ADD3: variants seen among roughly 807,000 people sequenced by gnomAD.
ADD3 encodes gamma-adducin.
ADD3 carries 25 observed loss-of-function variants against 80.2 expected under a neutral mutation model. The ratio of observed to expected loss-of-function variants is 0.31; its 90% CI spans 0.23 to 0.44. The LOEUF (loss-of-function observed/expected upper bound fraction) is 0.44, where lower values mean the gene tolerates loss of function less well. ADD3 is among the 20% of genes least tolerant of loss of function. The pLI is 1.00. For missense variants in ADD3, 829 were observed against 847.5 expected (o/e 0.98, Z 0.27); for synonymous variants, 284 against 289.6 (o/e 0.98, Z 0.20).
At chr10:110,111,564 C>A (rs1289216951) in intron 2 of ADD3, among the ~76,000 whole-genome samples, 1 of 152,086 alleles carries the variant, frequency 6.6e-6, no homozygotes, top group South Asian at 2.1e-4. Flanking sequence ...CCCACCCCAC[C>A]CCCAAAAAGA....
At chr10:110,005,282 G>C (rs899280663), upstream of ADD3, among the ~76,000 whole-genome samples, 1 of 151,828 alleles carries the variant, frequency 6.6e-6, no homozygotes, top group Non-Finnish European at 1.5e-5. Flanking sequence ...GGCTGGTCTT[G>C]AACTCCTGAC....
intron 1 of ADD3, among the ~76,000 whole-genome samples, chr10:110,051,901 C>T (rs746859655): frequency 1.3e-5 from 2 of 152,336 alleles, no homozygotes; most frequent in East Asian, 1.9e-4. Flanking sequence ...CTCCTGGGTT[C>T]AAGCGATCCT....
At chr10:110,015,424 G>A (rs2133017643) in intron 1 of ADD3, among the ~76,000 whole-genome samples, 1 of 148,454 alleles carries the variant, frequency 6.7e-6, no homozygotes, top group South Asian at 2.1e-4. Context: ...CGCCCAGGCT[G>A]GAGTGCAGTG....
intron 2 of ADD3, among the ~76,000 whole-genome samples, chr10:110,104,745 T>C (rs960099726): frequency 4.6e-5 from 7 of 152,218 alleles, no homozygotes; most frequent in Non-Finnish European, 1.0e-4. Flanking sequence ...AAGCACCTAT[T>C]ATGCATCTTT....
chr10:110,088,400 C>T (rs1847077414), intron 1 of ADD3, among the ~76,000 whole-genome samples: 2 of 152,170 alleles, frequency 1.3e-5, no homozygotes, highest in African/African-American at 4.8e-5. Flanking sequence ...CAACCAATTG[C>T]TAAAGTGGCA....
chr10:110,056,846 G>A (rs560364325), intron 1 of ADD3, among the ~76,000 whole-genome samples: 1 of 152,136 alleles, frequency 6.6e-6, no homozygotes, highest in Non-Finnish European at 1.5e-5. Context: ...CCATGCACCT[G>A]GAGCAAAGGA....
At chr10:110,108,612 T>C (rs751224272) in intron 2 of ADD3, among the ~76,000 whole-genome samples, 2 of 152,130 alleles carry the variant, frequency 1.3e-5, no homozygotes, top group Non-Finnish European at 2.9e-5. Context: ...GCTCAATAAA[T>C]TTACTGATAA....
chr10:110,121,848 G>A (rs1851538027), intron 8 of ADD3: 1 of 292,522 alleles, frequency 3.4e-6, no homozygotes, highest in African/African-American at 2.2e-5. Context: ...AGAATTCCGT[G>A]GCTTAAAATA....
intron 1 of ADD3, chr10:110,075,597 C>T (rs1590002166): frequency 6.6e-6 from 1 of 152,180 alleles, no homozygotes; most frequent in Non-Finnish European, 1.5e-5. Flanking sequence ...TGTTTTTCTT[C>T]TCTTGTCATT....
Position 110,009,985 on chromosome 10 carries a change from G to T in ADD3, c.-30+1686G>T, listed in dbSNP as rs890447154. Reference sequence around the variant, plus strand: ...TGCATGATAGAAGGATAGTATTTTCGTAATGTAAGTTTCAAGCATTGACTG... The same window carrying T: ...TGCATGATAGAAGGATAGTATTTTCTTAATGTAAGTTTCAAGCATTGACTG... On this transcript the variant is annotated intron_variant, in intron 1 of 14. Coordinates refer to ENST00000356080, the MANE Select transcript of ADD3 (RefSeq NM_016824.5). Among the ~76,000 whole-genome samples the T allele has an allele frequency of 3.3e-5, 5 of 152,188 alleles. 1 individual carries two copies. The highest frequency in any genetic ancestry group is 3.3e-4 in the Admixed American group (5 of 15,276).
intron 1 of ADD3, among the ~76,000 whole-genome samples, chr10:110,097,057 A>C (rs1034793649): frequency 1.3e-5 from 2 of 152,190 alleles, no homozygotes; most frequent in Non-Finnish European, 1.5e-5. Flanking sequence ...TTAATTTGAT[A>C]ATGAACAGCT....
intron 1 of ADD3, among the ~76,000 whole-genome samples, chr10:110,024,034 G>T (rs1853994892): frequency 6.6e-6 from 1 of 152,272 alleles, no homozygotes; most frequent in South Asian, 2.1e-4. Context: ...AGAGGGAGGG[G>T]ATAAGGGCTG....
chr10:110,065,970 A>T (rs552948615), intron 1 of ADD3, among the ~76,000 whole-genome samples: 57 of 152,068 alleles, frequency 3.7e-4, no homozygotes, highest in African/African-American at 1.3e-3. Context: ...AGTTTTTTCA[A>T]TTATTCGATA....
upstream of ADD3, among the ~76,000 whole-genome samples, chr10:110,007,761 G>A (rs999759593): frequency 1.3e-5 from 2 of 151,922 alleles, no homozygotes; most frequent in Non-Finnish European, 2.9e-5. Context: ...ACTCCCGAGG[G>A]GCGCTCGGGG....
chr10:110,030,553 T>C (rs1374264255), intron 1 of ADD3, among the ~76,000 whole-genome samples: 2 of 151,330 alleles, frequency 1.3e-5, no homozygotes, highest in African/African-American at 4.8e-5. Flanking sequence ...GGCTAACCTG[T>C]GAAATGGGTA....
intron 1 of ADD3, among the ~76,000 whole-genome samples, chr10:110,065,968 C>T (rs1286086594): frequency 2.0e-5 from 3 of 152,026 alleles, no homozygotes; most frequent in Non-Finnish European, 2.9e-5. Flanking sequence ...TAAGTTTTTT[C>T]AATTATTCGA....
In ADD3 at chr10:110,119,303, A is replaced by C; in HGVS notation, c.810A>C (p.Glu270Asp). Reference sequence around the variant, plus strand: ...ATTATGACTACCAAGGGTCACTTGAAGAACAGGAGGAGAGAATTCAACTGC... The same window carrying C: ...ATTATGACTACCAAGGGTCACTTGACGAACAGGAGGAGAGAATTCAACTGC... ...VAYYDYQGSLEEQEERIQLQK... is the reference protein window; with the variant it reads ...VAYYDYQGSLDEQEERIQLQK... Residue 270 changes from glutamate to aspartate, a missense_variant, in exon 7 of 15, where the codon GAA becomes GAC. Transcript: ENST00000356080. 2 of 1,614,150 alleles carry C rather than the reference A, an allele frequency of 1.2e-6. No homozygotes were observed. The highest frequency in any genetic ancestry group is 1.7e-6 in the Non-Finnish European group (2 of 1,180,012).
intron 1 of ADD3, among the ~76,000 whole-genome samples, chr10:110,033,725 T>C (rs1277279830): frequency 6.6e-6 from 1 of 152,234 alleles, no homozygotes; most frequent in Non-Finnish European, 1.5e-5. Context: ...GCAAATACTT[T>C]GTGCATTCTT....
intron 1 of ADD3, among the ~76,000 whole-genome samples, chr10:110,021,088 G>A (rs961052118): frequency 1.3e-5 from 2 of 152,152 alleles, no homozygotes; most frequent in African/African-American, 2.4e-5. Context: ...ACTAGAATAA[G>A]CTTTGCTCTA....
Sources: gnomAD v4.1 joint callset for allele counts (sites outside exome capture counted in the v4.1 genomes callset) on GRCh38, gnomAD v4.1.1 for gene constraint, MANE v1.5 for transcripts, NCBI Gene and HGNC (gene_info 2026-07-23, HGNC 2026-07-21) for gene names.